The following FMN2 variants were observed in gnomAD, a reference collection of about 807,000 sequenced individuals.
FMN2 encodes the protein formin-2.
In FMN2, 51 loss-of-function variants were observed where a neutral mutation model predicts 142.3. The ratio of observed to expected loss-of-function variants is 0.36; its 90% CI spans 0.29 to 0.45. The LOEUF (loss-of-function observed/expected upper bound fraction) is 0.45, where lower values mean the gene tolerates loss of function less well. Ranked by LOEUF, FMN2 falls within the 20% of genes least tolerant of loss-of-function variation. The pLI, the probability that FMN2 is intolerant of heterozygous loss-of-function variation, is 1.00. For synonymous variants in FMN2, 882 were observed against 869.8 expected (o/e 1.01, Z -0.25); for missense variants, 1,936 against 2,122.8 (o/e 0.91, Z 1.73).
chr1:240,211,511 A>T (rs746425718), intron 6 of FMN2, among the ~76,000 whole-genome samples: 1 of 152,230 alleles, frequency 6.6e-6, no homozygotes, highest in Non-Finnish European at 1.5e-5. Flanking sequence ...TTCCAGAATT[A>T]GTTGCCTAGA....
At chr1:240,389,536 CA>C (rs1388988263) in intron 14 of FMN2, among the ~76,000 whole-genome samples, 1 of 152,078 alleles carries the variant, frequency 6.6e-6, no homozygotes, top group East Asian at 1.9e-4. Context: ...TGTTTTATTC[CA>C]AATGATATCT....
chr1:240,258,306 G>T (rs930433199), intron 7 of FMN2, among the ~76,000 whole-genome samples: 3 of 152,142 alleles, frequency 2.0e-5, no homozygotes, highest in Non-Finnish European at 4.4e-5. Flanking sequence ...ACCCCAGACT[G>T]GTGGGTGATA....
At chr1:240,426,737 T>C (rs905902086) in intron 15 of FMN2, among the ~76,000 whole-genome samples, 13 of 152,056 alleles carry the variant, frequency 8.5e-5, no homozygotes, top group African/African-American at 3.1e-4. Context: ...ACCCTTTTAT[T>C]TTATTTATTT....
intron 14 of FMN2, among the ~76,000 whole-genome samples, chr1:240,388,544 C>G (rs889731869): frequency 1.3e-5 from 2 of 151,990 alleles, no homozygotes; most frequent in Admixed American, 1.3e-4. Flanking sequence ...GGTGATTGCT[C>G]TCAGAGATCT....
intron 2 of FMN2, among the ~76,000 whole-genome samples, chr1:240,166,651 A>G (rs543601255): frequency 2.0e-5 from 3 of 152,340 alleles, no homozygotes; most frequent in South Asian, 4.1e-4. Flanking sequence ...TTGTCCCACT[A>G]TATGTACAAA....
At chr1:240,467,122 C>T (rs1348845318) in intron 16 of FMN2, among the ~76,000 whole-genome samples, 2 of 152,080 alleles carry the variant, frequency 1.3e-5, no homozygotes, top group Non-Finnish European at 2.9e-5. Context: ...CAAACAAAAC[C>T]GGCAAAGTAC....
intron 13 of FMN2, among the ~76,000 whole-genome samples, chr1:240,341,713 A>T (rs1180108013): frequency 2.0e-5 from 3 of 152,108 alleles, no homozygotes; most frequent in Admixed American, 6.5e-5. Flanking sequence ...TTTTTTTTCA[A>T]TTGCTTTAAC....
rs150981961 is a variant in FMN2 at position 240,459,936 on chromosome 1, G to T, written c.5061-12436G>T. ...CAGTTTTCATTGAGGATTTGTGTGGGAAGGAAAAAATTGGCCATTGGAAAA... is the reference window on the plus strand; with the variant it reads ...CAGTTTTCATTGAGGATTTGTGTGGTAAGGAAAAAATTGGCCATTGGAAAA... On this transcript the variant is annotated intron_variant, in intron 16 of 17. Transcript: ENST00000319653. Among the ~76,000 whole-genome samples the T allele has an allele frequency of 2.0e-5, 3 of 152,180 alleles. No homozygotes were observed. The East Asian group carries it at 5.8e-4, about 29-fold the overall frequency.
intron 2 of FMN2, among the ~76,000 whole-genome samples, chr1:240,150,739 G>A (rs1663728980): frequency 6.6e-6 from 1 of 152,152 alleles, no homozygotes; most frequent in African/African-American, 2.4e-5. Context: ...ACCCCTTGGA[G>A]GTTTTGTTAG....
chr1:240,426,189 C>A (rs1454351441), intron 15 of FMN2, among the ~76,000 whole-genome samples: 4 of 151,994 alleles, frequency 2.6e-5, no homozygotes, highest in Non-Finnish European at 4.4e-5. Context: ...GTAATAAAAA[C>A]CAAATTTTGA....
chr1:240,101,673 G>C (rs548260955), intron 1 of FMN2, among the ~76,000 whole-genome samples: 1 of 151,544 alleles, frequency 6.6e-6, no homozygotes, highest in Admixed American at 6.6e-5. Flanking sequence ...TTCCAGAATA[G>C]CTGGGACCAC....
At chr1:240,342,308 T>TA (rs1426867942) in intron 13 of FMN2, among the ~76,000 whole-genome samples, 1 of 152,216 alleles carries the variant, frequency 6.6e-6, no homozygotes, top group Non-Finnish European at 1.5e-5. Flanking sequence ...TTTTATATCT[T>TA]ACGTTTTTCC....
At chr1:240,357,326 A>G (rs898218227) in intron 14 of FMN2, among the ~76,000 whole-genome samples, 1 of 152,198 alleles carries the variant, frequency 6.6e-6, no homozygotes, top group Non-Finnish European at 1.5e-5. Context: ...GATTTATTAT[A>G]TAATATTTTG....
At chr1:240,461,986 A>G (rs76093058) in intron 16 of FMN2, among the ~76,000 whole-genome samples, 3,908 of 152,258 alleles carry the variant, frequency 0.026, 166 homozygotes, top group African/African-American at 0.088. Context: ...TTAAAACAAT[A>G]TCTATATAAA....
intron 8 of FMN2, among the ~76,000 whole-genome samples, chr1:240,311,994 C>T (rs1038916830): frequency 6.6e-6 from 1 of 152,132 alleles, no homozygotes; most frequent in African/African-American, 2.4e-5. Flanking sequence ...CTGGCTTTCT[C>T]TTATTTTAAT....
chr1:240,182,517 C>T (rs1394715348), intron 3 of FMN2, among the ~76,000 whole-genome samples: 1 of 152,064 alleles, frequency 6.6e-6, no homozygotes, highest in Admixed American at 6.5e-5. Flanking sequence ...TGTGAAAATC[C>T]TTTAAAATGC....
intron 5 of FMN2, among the ~76,000 whole-genome samples, chr1:240,209,879 G>C (rs896607675): frequency 4.0e-5 from 6 of 151,884 alleles, no homozygotes; most frequent in African/African-American, 1.5e-4. Flanking sequence ...ACTCCAGCCT[G>C]GGCGACAGAG....
At chr1:240,275,869 G>A (rs1669190604) in intron 7 of FMN2, among the ~76,000 whole-genome samples, 1 of 152,064 alleles carries the variant, frequency 6.6e-6, no homozygotes, top group Non-Finnish European at 1.5e-5. Context: ...CCCTATGTCT[G>A]TTGGCTGCAT....
At chr1:240,221,690 T>C (rs1667121292) in intron 6 of FMN2, among the ~76,000 whole-genome samples, 1 of 152,170 alleles carries the variant, frequency 6.6e-6, no homozygotes, top group Non-Finnish European at 1.5e-5. Flanking sequence ...CGGTTGCCTG[T>C]TCACTCTGAT....
Sources: allele counts gnomAD v4.1 joint callset (sites outside exome capture counted in the v4.1 genomes callset), GRCh38; gene constraint gnomAD v4.1.1; transcripts MANE v1.5; gene names NCBI Gene and HGNC (gene_info 2026-07-23, HGNC 2026-07-21).